Variants in LRRC4C observed in about 807,000 individuals in gnomAD.
LRRC4C encodes leucine rich repeat containing 4C.
LRRC4C carries 5 observed loss-of-function variants against 33.6 expected under a neutral mutation model. The observed-to-expected ratio is 0.15, with a 90% CI of 0.08 to 0.31. The LOEUF is 0.31. Among genes scored for constraint, LRRC4C ranks in the 10% least tolerant of loss-of-function variants. The pLI is 1.00. For missense variants in LRRC4C, 560 were observed against 796.7 expected, an observed-to-expected ratio of 0.70 and a Z score of 3.58; for synonymous variants, 329 against 302.0, an observed-to-expected ratio of 1.09 and a Z score of -0.93.
At position 41,252,666 on chromosome 11, in the gene LRRC4C, C is replaced by T. The variant is rs767085853; in HGVS notation, c.-496+206765G>A. On this transcript the variant is annotated intron_variant, in intron 1 of 6. Transcript: ENST00000528697. The stretch of plus-strand genomic sequence containing the variant: ...TATTTAATAAGTGCCTTAGTCTGCT[C>T]TCAGCTGCTAATAAAGACATACTTG... Among the ~76,000 whole-genome samples the T allele has an allele frequency of 1.1e-4, 16 of 152,188 alleles. 1 individual carries two copies. The highest frequency in any genetic ancestry group is 3.3e-4 in the Admixed American group (5 of 15,288).
At chr11:40,305,098 G>C (rs1944965037) in intron 4 of LRRC4C, among the ~76,000 whole-genome samples, 1 of 152,098 alleles carries the variant, frequency 6.6e-6, no homozygotes, top group Non-Finnish European at 1.5e-5. Flanking sequence ...AGGCATATGG[G>C]CATTCTTTTA....
At chr11:40,642,739 C>A (rs1242623937) in intron 3 of LRRC4C, among the ~76,000 whole-genome samples, 1 of 152,138 alleles carries the variant, frequency 6.6e-6, no homozygotes, top group Admixed American at 6.5e-5. Context: ...CAAGCTCCGA[C>A]TATCTAAGGC....
chr11:41,173,607 G>A (rs998978128), intron 1 of LRRC4C, among the ~76,000 whole-genome samples: 4 of 152,038 alleles, frequency 2.6e-5, no homozygotes, highest in Non-Finnish European at 5.9e-5. Flanking sequence ...AATCCAAGTC[G>A]AAAATCATTT....
At chr11:40,658,317 T>G (rs1369423570) in intron 2 of LRRC4C, among the ~76,000 whole-genome samples, 1 of 152,216 alleles carries the variant, frequency 6.6e-6, no homozygotes, top group Non-Finnish European at 1.5e-5. Context: ...TGAATCATGA[T>G]GCTTAAATAC....
At position 40,672,829 on chromosome 11, in the gene LRRC4C, C is replaced by T. The variant is rs79301773; in HGVS notation, c.-406-24551G>A. On this transcript the variant is annotated intron_variant, in intron 2 of 6. Transcript: ENST00000528697. ...AGAAAATAGCCAATTTGTAATATAG[C>T]GGCTGAGATTAGTAGCACTTAAGAG... Among the ~76,000 whole-genome samples the T allele has an allele frequency of 3.9e-3, 590 of 152,146 alleles. 5 individuals carry two copies. The highest frequency in any genetic ancestry group is 0.026 in the East Asian group (132 of 5,162).
intron 2 of LRRC4C, among the ~76,000 whole-genome samples, chr11:40,763,167 T>C (rs1949305983): frequency 6.7e-6 from 1 of 150,272 alleles, no homozygotes; most frequent in African/African-American, 2.4e-5. Flanking sequence ...TGTGTATGCA[T>C]ATATTGTGGG....
intron 1 of LRRC4C, among the ~76,000 whole-genome samples, chr11:41,449,868 C>G (rs1955963248): frequency 6.6e-6 from 1 of 151,998 alleles, no homozygotes; most frequent in Non-Finnish European, 1.5e-5. Flanking sequence ...TTCCTGGACC[C>G]TTATCTTGGA....
chr11:40,123,593 C>T (rs927963591), intron 6 of LRRC4C, among the ~76,000 whole-genome samples: 15 of 151,528 alleles, frequency 9.9e-5, no homozygotes, highest in Admixed American at 3.9e-4. Flanking sequence ...GGATCAGACA[C>T]GCAAAAAATG....
intron 3 of LRRC4C, among the ~76,000 whole-genome samples, chr11:40,436,925 C>T (rs988900723): frequency 1.3e-5 from 2 of 152,126 alleles, no homozygotes; most frequent in Non-Finnish European, 2.9e-5. Context: ...AGAAAAATGG[C>T]TCAGACCTCT....
chr11:41,325,577 T>TTTTTTTTTGTG (rs202169756), intron 1 of LRRC4C, among the ~76,000 whole-genome samples: 1 of 104,160 alleles, frequency 9.6e-6, no homozygotes, highest in Admixed American at 1.0e-4. Context: ...TTTTTTTTTT[T>TTTTTTTTTGTG]TGTGTGTGTG....
At chr11:40,252,323 A>C (rs748527745) in intron 4 of LRRC4C, among the ~76,000 whole-genome samples, 4 of 151,902 alleles carry the variant, frequency 2.6e-5, no homozygotes, top group African/African-American at 4.8e-5. Flanking sequence ...ACACAACCCT[A>C]ACACATATAT....
At chr11:41,038,189 C>T (rs758923023) in intron 1 of LRRC4C, among the ~76,000 whole-genome samples, 3 of 152,140 alleles carry the variant, frequency 2.0e-5, no homozygotes, top group Non-Finnish European at 2.9e-5. Flanking sequence ...CATTTAGGTA[C>T]GCAGAGCAAA....
chr11:40,378,077 A>T (rs2137316899), intron 3 of LRRC4C, among the ~76,000 whole-genome samples: 1 of 152,164 alleles, frequency 6.6e-6, no homozygotes, highest in African/African-American at 2.4e-5. Flanking sequence ...ACTTTTTGCT[A>T]ATCTGGGCCT....
intron 2 of LRRC4C, among the ~76,000 whole-genome samples, chr11:40,673,854 G>A (rs1163565037): frequency 6.6e-6 from 1 of 152,158 alleles, no homozygotes; most frequent in Non-Finnish European, 1.5e-5. Flanking sequence ...AGGATGAAGT[G>A]TTGCAAGGAA....
chr11:40,618,269 A>C (rs1962068943), intron 3 of LRRC4C, among the ~76,000 whole-genome samples: 1 of 90,234 alleles, frequency 1.1e-5, no homozygotes, highest in African/African-American at 3.8e-5. Flanking sequence ...AGCACCCAGG[A>C]AAGACAGCCA....
At chr11:41,203,875 T>C (rs1157096647) in intron 1 of LRRC4C, among the ~76,000 whole-genome samples, 2 of 152,212 alleles carry the variant, frequency 1.3e-5, no homozygotes, top group African/African-American at 4.8e-5. Context: ...TAAGACAGCC[T>C]ATGGGAGCCT....
intron 2 of LRRC4C, among the ~76,000 whole-genome samples, chr11:40,883,424 A>G (rs1230951916): frequency 1.3e-5 from 2 of 152,070 alleles, no homozygotes; most frequent in Non-Finnish European, 2.9e-5. Context: ...CTCACATTCG[A>G]AAAGATTTCT....
intron 1 of LRRC4C, among the ~76,000 whole-genome samples, chr11:40,996,731 A>ACAC (rs1214491939): frequency 1.3e-5 from 2 of 152,112 alleles, no homozygotes; most frequent in Non-Finnish European, 2.9e-5. Context: ...ACTTATGACA[A>ACAC]ATGGCAAAGG....
At chr11:41,299,091 A>C (rs962122894) in intron 1 of LRRC4C, among the ~76,000 whole-genome samples, 1 of 152,178 alleles carries the variant, frequency 6.6e-6, no homozygotes, top group East Asian at 1.9e-4. Context: ...TGATAAACAT[A>C]GGAATGCCAG....
Sources: allele counts gnomAD v4.1 joint callset (sites outside exome capture counted in the v4.1 genomes callset), GRCh38; gene constraint gnomAD v4.1.1; transcripts MANE v1.5; gene names NCBI Gene and HGNC (gene_info 2026-07-23, HGNC 2026-07-21).